Variants in STK33 observed in about 807,000 individuals in gnomAD.
STK33 encodes the protein serine/threonine-protein kinase 33.
Under a neutral mutation model 58.0 loss-of-function variants are expected in STK33, and 52 were observed. That is an observed-to-expected ratio of 0.90 (90% confidence interval 0.72 to 1.13). STK33 has a LOEUF of 1.13. STK33 is among the 50% of genes most tolerant of loss of function. The probability of loss-of-function intolerance (pLI) is 0.00; values close to 1 mark genes in which losing one functional copy is unlikely to be tolerated. For synonymous variants in STK33, 215 were observed against 200.1 expected (o/e 1.07, Z -0.63); for missense variants, 630 against 604.2 (o/e 1.04, Z -0.45).
the STK33 span, among the ~76,000 whole-genome samples, chr11:8,356,413 G>C: frequency 0.049 from 7,454 of 152,230 alleles, 263 homozygotes; most frequent in Non-Finnish European, 0.073. Context: ...GGCTGACAGG[G>C]GACCCTGCCC....
intron 1 of STK33, among the ~76,000 whole-genome samples, chr11:8,540,330 AT>A (rs2140318638): frequency 6.6e-6 from 1 of 151,912 alleles, no homozygotes; most frequent in South Asian, 2.1e-4. Flanking sequence ...AAAAAAAAAA[AT>A]GTAATTATCC....
chr11:8,343,331 G>C, the STK33 span, among the ~76,000 whole-genome samples: 1 of 152,240 alleles, frequency 6.6e-6, no homozygotes, highest in African/African-American at 2.4e-5. Context: ...AAGGAGCACC[G>C]CTCGCTTTGT....
intron 1 of STK33, among the ~76,000 whole-genome samples, chr11:8,510,451 T>G (rs1357206935): frequency 6.6e-6 from 1 of 152,216 alleles, no homozygotes; most frequent in African/African-American, 2.4e-5. Context: ...CTCTGTGGGT[T>G]GTCTGTTTAC....
chr11:8,504,458 T>C (rs1951731381), intron 1 of STK33, among the ~76,000 whole-genome samples: 1 of 152,046 alleles, frequency 6.6e-6, no homozygotes, highest in African/African-American at 2.4e-5. Context: ...TTTTCAGGAA[T>C]TTTGAGATAT....
At chr11:8,366,747 C>T in the STK33 span, among the ~76,000 whole-genome samples, 1 of 152,338 alleles carries the variant, frequency 6.6e-6, no homozygotes, top group Admixed American at 6.5e-5. Flanking sequence ...GGTGGCCATA[C>T]ATCTGCCACA....
At chr11:8,581,720 G>A (rs898611334) in intron 1 of STK33, among the ~76,000 whole-genome samples, 9 of 152,208 alleles carry the variant, frequency 5.9e-5, no homozygotes, top group African/African-American at 2.2e-4. Context: ...ACTTGCATCA[G>A]TTTAAAGGCA....
the STK33 span, among the ~76,000 whole-genome samples, chr11:8,335,902 C>T: frequency 6.6e-5 from 10 of 152,204 alleles, no homozygotes; most frequent in South Asian, 2.1e-4. Context: ...TGCTGCTCCA[C>T]GGCTACACGC....
At chr11:8,572,205 G>A (rs1214442850) in intron 1 of STK33, among the ~76,000 whole-genome samples, 1 of 152,034 alleles carries the variant, frequency 6.6e-6, no homozygotes, top group East Asian at 1.9e-4. Context: ...GCCAGACAGA[G>A]AGGAAAGATA....
At chr11:8,429,388 C>T (rs2136113508) in intron 14 of STK33, among the ~76,000 whole-genome samples, 1 of 152,266 alleles carries the variant, frequency 6.6e-6, no homozygotes, top group Middle Eastern at 3.4e-3. Context: ...ATTCTTGTTC[C>T]AATCTACAAA....
At chr11:8,470,427 T>A (rs1948667359) in intron 6 of STK33, among the ~76,000 whole-genome samples, 1 of 152,238 alleles carries the variant, frequency 6.6e-6, no homozygotes, top group Admixed American at 6.5e-5. Flanking sequence ...CTTGGTTTGA[T>A]CTTTTCCAAA....
intron 1 of STK33, among the ~76,000 whole-genome samples, chr11:8,500,916 G>C (rs1019290498): frequency 2.6e-5 from 4 of 152,112 alleles, no homozygotes; most frequent in Admixed American, 2.0e-4. Context: ...ATTTTGACAA[G>C]GGTAGGTACC....
intron 1 of STK33, among the ~76,000 whole-genome samples, chr11:8,567,004 G>A (rs1379031035): frequency 6.6e-6 from 1 of 152,076 alleles, no homozygotes; most frequent in Non-Finnish European, 1.5e-5. Flanking sequence ...AGCTGGGGTG[G>A]TTGTGTGTGC....
chr11:8,481,336 A>G (rs1199072721), intron 1 of STK33, among the ~76,000 whole-genome samples: 1 of 152,248 alleles, frequency 6.6e-6, no homozygotes, highest in Non-Finnish European at 1.5e-5. Context: ...AATAAAACAG[A>G]AACAACAACA....
chr11:8,378,584 G>A, the STK33 span, among the ~76,000 whole-genome samples: 5 of 152,092 alleles, frequency 3.3e-5, no homozygotes, highest in South Asian at 2.1e-4. Flanking sequence ...TCACCATCAC[G>A]AGAACAGCAT....
the STK33 span, among the ~76,000 whole-genome samples, chr11:8,371,240 CCCCAAATCCAA>C: frequency 6.6e-6 from 1 of 152,034 alleles, no homozygotes; most frequent in Admixed American, 6.5e-5. Flanking sequence ...TTAGGGTGGG[CCCCAAATCCAA>C]TGACTGGTGT....
At chr11:8,520,605 G>A (rs11824867) in intron 1 of STK33, among the ~76,000 whole-genome samples, 9,312 of 151,994 alleles carry the variant, frequency 0.061, 324 homozygotes, top group Non-Finnish European at 0.071. Context: ...CCATCGTCTC[G>A]GCCCAAAATC....
chr11:8,570,908 A>G (rs1258348479), intron 1 of STK33, among the ~76,000 whole-genome samples: 1 of 152,216 alleles, frequency 6.6e-6, no homozygotes, highest in African/African-American at 2.4e-5. Flanking sequence ...ACAGACACAG[A>G]GGACAGTTCT....
chr11:8,369,769 C>T, the STK33 span, among the ~76,000 whole-genome samples: 2 of 152,206 alleles, frequency 1.3e-5, no homozygotes, highest in African/African-American at 4.8e-5. Flanking sequence ...TGAGCTCCAG[C>T]AAGGCCCCAG....
At chr11:8,496,455 G>C (rs1436668968) in intron 1 of STK33, among the ~76,000 whole-genome samples, 1 of 152,050 alleles carries the variant, frequency 6.6e-6, no homozygotes, top group Non-Finnish European at 1.5e-5. Flanking sequence ...CACCCAGAAG[G>C]TACTTTACAA....
Sources: gnomAD v4.1 joint callset for allele counts (sites outside exome capture counted in the v4.1 genomes callset) on GRCh38, gnomAD v4.1.1 for gene constraint, MANE v1.5 for transcripts, NCBI Gene and HGNC (gene_info 2026-07-23, HGNC 2026-07-21) for gene names.